The following FILIP1 variants were observed in gnomAD, a reference collection of about 807,000 sequenced individuals.
FILIP1 encodes the protein filamin-A-interacting protein 1.
Under a neutral mutation model 102.1 loss-of-function variants are expected in FILIP1, and 61 were observed. The observed-to-expected ratio is 0.60, with a 90% CI of 0.49 to 0.74. The LOEUF is 0.74. Ranked by LOEUF, FILIP1 falls within the 30% of genes least tolerant of loss-of-function variation. The pLI, the probability that FILIP1 is intolerant of heterozygous loss-of-function variation, is 0.00. For synonymous variants in FILIP1, 491 were observed against 526.9 expected, an observed-to-expected ratio of 0.93 and a Z score of 0.93; for missense variants, 1,314 against 1,441.2, an observed-to-expected ratio of 0.91 and a Z score of 1.43.
At chr6:75,464,920 A>G (rs1396224771) in intron 1 of FILIP1, among the ~76,000 whole-genome samples, 2 of 152,224 alleles carry the variant, frequency 1.3e-5, no homozygotes, top group African/African-American at 4.8e-5. Context: ...TTATAGTTCA[A>G]CATAGAAAAT....
rs780053107 is a variant in FILIP1, at chr6:75,313,205, C to T, written c.2627G>A (p.Arg876Lys). ...RKSWIPWMRKRENGPSITQEK... is the reference protein window; with the variant it reads ...RKSWIPWMRKKENGPSITQEK... ...CTGAGTGATGGAGGGGCCGTTTTCC[C>T]TCTTTCTCATCCATGGAATCCAAGA... Residue 876 changes from arginine to lysine, a missense_variant, in exon 5 of 6, where the codon AGG becomes AAG. Arg to Lys is a conservative substitution (Grantham distance 26). This residue lies in a region of FILIP1 where 816 missense variants were observed against 913.1 expected (regional missense o/e 0.89). Transcript: ENST00000237172. The surrounding 1 kb of genome is among the most constrained non-coding windows in gnomAD (Gnocchi z 4.2). 2 of 1,614,158 alleles carry T rather than the reference C, an allele frequency of 1.2e-6. No homozygotes were observed. Among genetic ancestry groups the T allele is most frequent in the African/African-American group, 2.7e-5 (2 of 75,036 alleles).
intron 1 of FILIP1, among the ~76,000 whole-genome samples, chr6:75,434,437 TTC>T (rs1183089193): frequency 3.3e-5 from 5 of 152,314 alleles, no homozygotes; most frequent in South Asian, 2.1e-4. Flanking sequence ...AGGTATTTTA[TTC>T]TCTTTGTAGC....
chr6:75,321,136 G>A (rs1326311155), intron 4 of FILIP1, among the ~76,000 whole-genome samples: 1 of 152,094 alleles, frequency 6.6e-6, no homozygotes, highest in African/African-American at 2.4e-5. Flanking sequence ...TCAAACTCCT[G>A]ACCTCAAGCA....
rs185731732 is a variant in FILIP1, at chr6:75,334,308, A to G, written c.630-19106T>C. Among the ~76,000 whole-genome samples the G allele has an allele frequency of 9.1e-4, 139 of 152,288 alleles. 1 individual carries two copies. Among genetic ancestry groups the G allele is most frequent in the African/African-American group, 3.2e-3 (133 of 41,578 alleles). On this transcript the variant is annotated intron_variant, in intron 4 of 5. Coordinates refer to ENST00000237172, the MANE Select transcript of FILIP1 (RefSeq NM_015687.5). ...ACTTCCCCCACCATAGAAAACCAGGAGCACTCTTCATACCATACCAAGGTG... is the reference window on the plus strand; with the variant it reads ...ACTTCCCCCACCATAGAAAACCAGGGGCACTCTTCATACCATACCAAGGTG...
chr6:75,430,655 T>G (rs1478193380), intron 1 of FILIP1, among the ~76,000 whole-genome samples: 1 of 152,220 alleles, frequency 6.6e-6, no homozygotes, highest in Non-Finnish European at 1.5e-5. Context: ...GCTTTAGTAG[T>G]GGTCTCATAT....
chr6:75,305,583 C>A (rs1772962945), downstream of FILIP1, among the ~76,000 whole-genome samples: 1 of 152,142 alleles, frequency 6.6e-6, no homozygotes, highest in African/African-American at 2.4e-5. Flanking sequence ...AGCAGATGAC[C>A]TAGATATATA....
rs764955196 is a variant in FILIP1 at position 75,308,831 on chromosome 6, C to T, written c.3502G>A (p.Ala1168Thr). Residue 1168 changes from alanine (A) to threonine (T), a missense_variant, in exon 6 of 6, where the codon GCA becomes ACA. Ala to Thr is a moderately conservative substitution (Grantham distance 58). Around this residue, in one of 3 missense-constraint regions of FILIP1, gnomAD observed 816 missense variants for 913.1 expected, o/e 0.89. Coordinates refer to ENST00000237172, the MANE Select transcript of FILIP1 (RefSeq NM_015687.5). ...TRIPMSKGMK[A>T]GKPVVAAPGA... is the part of the protein sequence containing the mutation. ...GGGGCTGCCACTACTGGCTTTCCTG[C>T]TTTCATACCTTTTGACATAGGAATG... 6.2e-7 allele frequency: 1 copy of T among 1,614,142 alleles called. No individual in the cohort carries two copies. The highest frequency in any genetic ancestry group is 2.2e-5 in the East Asian group (1 of 44,868).
intron 4 of FILIP1, among the ~76,000 whole-genome samples, chr6:75,340,595 T>A (rs986500892): frequency 3.3e-5 from 5 of 152,248 alleles, no homozygotes; most frequent in African/African-American, 1.2e-4. Context: ...CATGTTATTT[T>A]ATGAACTGTA....
At chr6:75,326,101 A>G (rs2149571215) in intron 4 of FILIP1, among the ~76,000 whole-genome samples, 1 of 150,740 alleles carries the variant, frequency 6.6e-6, no homozygotes, top group South Asian at 2.1e-4. Flanking sequence ...TAGATTAGAT[A>G]GATAGATAGA....
intron 4 of FILIP1, among the ~76,000 whole-genome samples, chr6:75,322,437 G>A (rs1773695050): frequency 6.6e-6 from 1 of 151,942 alleles, no homozygotes; most frequent in South Asian, 2.1e-4. Context: ...AAATATATTA[G>A]CATGAAAAGG....
intron 1 of FILIP1, among the ~76,000 whole-genome samples, chr6:75,424,808 C>T (rs1168232403): frequency 1.3e-5 from 2 of 152,094 alleles, no homozygotes; most frequent in African/African-American, 4.8e-5. Context: ...TTGCTTTATG[C>T]TGACAAAGAA....
At chr6:75,382,510 T>C (rs1775937427) in intron 2 of FILIP1, among the ~76,000 whole-genome samples, 1 of 152,144 alleles carries the variant, frequency 6.6e-6, no homozygotes, top group African/African-American at 2.4e-5. Flanking sequence ...GCCAGAAAAT[T>C]CTCAAGGCAC....
At position 75,343,360 on chromosome 6, in the gene FILIP1, G is replaced by A. The variant is rs13211286; in HGVS notation, c.629+10179C>T. ...CTAAGATACTCTTGGACTCCACCTGGTAATCCCTTCAGTCTAGAATTCTCC... is the reference window on the plus strand; with the variant it reads ...CTAAGATACTCTTGGACTCCACCTGATAATCCCTTCAGTCTAGAATTCTCC... On this transcript the variant is annotated intron_variant, in intron 4 of 5. Coordinates refer to ENST00000237172, the MANE Select transcript of FILIP1 (RefSeq NM_015687.5). Among the ~76,000 whole-genome samples, 432 of 152,224 alleles carry A rather than the reference G, an allele frequency of 2.8e-3. 1 individual carries two copies. The highest frequency in any genetic ancestry group is 0.014 in the Middle Eastern group (4 of 294).
chr6:75,300,761 A>G (rs903706723), intron 6 of FILIP1, among the ~76,000 whole-genome samples: 12 of 152,202 alleles, frequency 7.9e-5, no homozygotes, highest in African/African-American at 2.9e-4. Context: ...TTTGAACCAG[A>G]TGATACAAAC....
chr6:75,370,188 A>G (rs571788423), intron 2 of FILIP1, among the ~76,000 whole-genome samples: 1 of 152,342 alleles, frequency 6.6e-6, no homozygotes, highest in African/African-American at 2.4e-5. Flanking sequence ...AAAATCAGTA[A>G]CATGCCCATT....
Position 75,313,686 on chromosome 6 carries a change from T to C in FILIP1, c.2146A>G (p.Lys716Glu). 1 of 1,563,102 alleles carries C rather than the reference T, an allele frequency of 6.4e-7. No individual in the cohort carries two copies. Among genetic ancestry groups the C allele is most frequent in the Non-Finnish European group, 8.6e-7 (1 of 1,160,322 alleles). The change falls in exon 5 of 6, where the codon AAA becomes GAA. Residue 716 changes from lysine to glutamate, a missense_variant. By Grantham distance (56) the Lys-to-Glu change is moderately conservative. Transcript: ENST00000237172. This position sits in a 1 kb window ranked among gnomAD's most constrained non-coding sequence, Gnocchi z 4.2. ...LRHRFRLEEA[K>E]SRDLKAEVQA... ...ACTTCGGCTTTTAAGTCTCGACTTT[T>C]AGCTTCTTCCAACCGAAATCTGTGT...
chr6:75,432,172 T>C (rs1047154839), intron 1 of FILIP1, among the ~76,000 whole-genome samples: 1 of 152,242 alleles, frequency 6.6e-6, no homozygotes. Context: ...ACCCTACATA[T>C]GAATGTATCA....
chr6:75,469,349 G>GA (rs1305611516), intron 1 of FILIP1, among the ~76,000 whole-genome samples: 2 of 151,768 alleles, frequency 1.3e-5, no homozygotes, highest in African/African-American at 4.8e-5. Flanking sequence ...GCATTTAGTA[G>GA]AAAAACACAA....
At chr6:75,295,145 A>G (rs1368718583) in exon 7 of FILIP1, 1 of 152,170 alleles carries the variant, frequency 6.6e-6, no homozygotes, top group East Asian at 1.9e-4. Flanking sequence ...AATCAGAAGT[A>G]TAATTGAACT....
Sources: gnomAD v4.1 joint callset for allele counts (sites outside exome capture counted in the v4.1 genomes callset) on GRCh38, gnomAD v4.1.1 for gene constraint, gnomAD v4.1.1 regional missense constraint, Gnocchi (gnomAD v3.1) non-coding constraint, MANE v1.5 for transcripts, NCBI Gene and HGNC (gene_info 2026-07-23, HGNC 2026-07-21) for gene names.